The following NPAS3 variants were observed in gnomAD, a reference collection of about 807,000 sequenced individuals.
NPAS3 encodes neuronal PAS domain protein 3.
A neutral mutation model predicts 73.1 loss-of-function variants in NPAS3; 14 were observed. The ratio of observed to expected loss-of-function variants is 0.19; its 90% CI spans 0.13 to 0.30. NPAS3 has a LOEUF of 0.30. NPAS3 is among the 10% of genes least tolerant of loss of function. The probability of loss-of-function intolerance (pLI) is 1.00; values close to 1 mark genes in which losing one functional copy is unlikely to be tolerated. For missense variants in NPAS3, 1,096 were observed against 1,250.0 expected, an observed-to-expected ratio of 0.88 and a Z score of 1.86; for synonymous variants, 620 against 541.5, an observed-to-expected ratio of 1.14 and a Z score of -2.01.
chr14:32,963,161 A>T (rs2037004165), intron 1 of NPAS3, among the ~76,000 whole-genome samples: 1 of 152,160 alleles, frequency 6.6e-6, no homozygotes, highest in Non-Finnish European at 1.5e-5. Flanking sequence ...AGGCTAAATA[A>T]CTTGCTCCAA....
chr14:32,968,344 T>A (rs1316123), intron 1 of NPAS3, among the ~76,000 whole-genome samples: 47,000 of 152,030 alleles, frequency 0.31, 7,326 homozygotes, highest in Non-Finnish European at 0.32. Flanking sequence ...CTATACCTTA[T>A]AAATATCTAT....
chr14:33,177,440 A>C (rs907446310), intron 2 of NPAS3, among the ~76,000 whole-genome samples: 3 of 151,654 alleles, frequency 2.0e-5, no homozygotes, highest in Admixed American at 1.3e-4. Context: ...GTGATTTGCA[A>C]ATATTTTCTC....
intron 5 of NPAS3, among the ~76,000 whole-genome samples, chr14:33,669,458 T>TTAAC (rs1253856682): frequency 5.9e-5 from 9 of 152,336 alleles, no homozygotes; most frequent in Admixed American, 2.6e-4. Context: ...GGTTCTTCTT[T>TTAAC]TAACTGATGT....
intron 4 of NPAS3, among the ~76,000 whole-genome samples, chr14:33,376,260 A>G (rs2046308151): frequency 6.6e-6 from 1 of 152,168 alleles, no homozygotes; most frequent in Non-Finnish European, 1.5e-5. Flanking sequence ...TTTTGAGGAA[A>G]TATTATATAG....
At position 33,017,531 on chromosome 14, in the gene NPAS3, G is replaced by C. The variant is rs570819502; in HGVS notation, c.51-38374G>C. On this transcript the variant is annotated intron_variant, in intron 1 of 11. Transcript: ENST00000356141. ...CGAATAGAAGTCTGGTCTTTAAAGA[G>C]ATGCTGCTTTAATATGGTTCTGTTC... 7.2e-4 allele frequency among the ~76,000 whole-genome samples: 110 copies of C among 152,256 alleles called. 1 individual carries two copies. Among genetic ancestry groups the C allele is most frequent in the African/African-American group, 2.6e-3 (107 of 41,552 alleles).
At chr14:32,976,890 T>TTAC (rs2037700530) in intron 1 of NPAS3, among the ~76,000 whole-genome samples, 2 of 152,184 alleles carry the variant, frequency 1.3e-5, no homozygotes, top group Non-Finnish European at 2.9e-5. Flanking sequence ...GTGAATAGAC[T>TTAC]TACCTTCTAG....
chr14:33,036,685 A>G (rs2040181122), intron 1 of NPAS3, among the ~76,000 whole-genome samples: 1 of 152,326 alleles, frequency 6.6e-6, no homozygotes, highest in African/African-American at 2.4e-5. Flanking sequence ...GTCATATAGT[A>G]TGGAAGGAAA....
At chr14:33,662,863 G>A (rs1330170604) in intron 5 of NPAS3, among the ~76,000 whole-genome samples, 2 of 135,990 alleles carry the variant, frequency 1.5e-5, no homozygotes, top group Non-Finnish European at 3.1e-5. Flanking sequence ...AGACAATGGG[G>A]TTTTCCTTTT....
chr14:33,411,090 A>G lies in NPAS3; in HGVS notation c.468+43822A>G, dbSNP rs114921965. ...GTCAACTGTAGCATGCATCTTGGCT[A>G]AAATCAAGTTTCCATCTAGATTCTG... On this transcript the variant is annotated intron_variant, in intron 4 of 11. Coordinates refer to ENST00000356141, the Ensembl canonical transcript of NPAS3. 9.6e-3 allele frequency among the ~76,000 whole-genome samples: 1,470 copies of G among 152,358 alleles called. 29 individuals are homozygous for G. The highest frequency in any genetic ancestry group is 0.033 in the African/African-American group (1,387 of 41,594).
In NPAS3 at chr14:33,522,509, A is replaced by G. The variant is rs139693698; in HGVS notation, c.469-37612A>G. Among the ~76,000 whole-genome samples the G allele has an allele frequency of 4.7e-4, 72 of 152,196 alleles. 1 individual carries two copies. The highest frequency in any genetic ancestry group is 1.4e-3 in the African/African-American group (58 of 41,536). On this transcript the variant is annotated intron_variant, in intron 4 of 11. Coordinates refer to ENST00000356141, the Ensembl canonical transcript of NPAS3. ...TCTATATTATAGCAAGATAATAAAA[A>G]CGCCTCTACTCTTAACCATCACCAT...
At chr14:33,655,521 A>G (rs1312794750) in intron 5 of NPAS3, among the ~76,000 whole-genome samples, 1 of 152,174 alleles carries the variant, frequency 6.6e-6, no homozygotes, top group Non-Finnish European at 1.5e-5. Context: ...GAATATATGA[A>G]AAACAAAATA....
chr14:33,517,631 A>G (rs1049330136), intron 4 of NPAS3, among the ~76,000 whole-genome samples: 1 of 152,138 alleles, frequency 6.6e-6, no homozygotes. Flanking sequence ...AAAAGTTCTG[A>G]CAGCCTCTTG....
intron 5 of NPAS3, among the ~76,000 whole-genome samples, chr14:33,613,816 A>G (rs1328232596): frequency 1.3e-5 from 2 of 152,200 alleles, no homozygotes; most frequent in Non-Finnish European, 2.9e-5. Context: ...TTTGACCTCA[A>G]GGCTCACAAG....
chr14:33,483,381 A>G (rs2051425117), intron 4 of NPAS3, among the ~76,000 whole-genome samples: 1 of 152,124 alleles, frequency 6.6e-6, no homozygotes, highest in Admixed American at 6.5e-5. Flanking sequence ...AAAACCAAGG[A>G]TAGCGTTTCA....
chr14:32,977,070 A>G (rs1016876934), intron 1 of NPAS3, among the ~76,000 whole-genome samples: 64 of 151,680 alleles, frequency 4.2e-4, no homozygotes, highest in African/African-American at 1.4e-3. Context: ...ACACACACAT[A>G]CACACACACG....
intron 4 of NPAS3, among the ~76,000 whole-genome samples, chr14:33,559,292 T>C (rs2055518688): frequency 6.6e-6 from 1 of 152,242 alleles, no homozygotes; most frequent in Non-Finnish European, 1.5e-5. Flanking sequence ...CATTATCCCT[T>C]AATGTATTGA....
chr14:33,051,730 G>A (rs2040717660), intron 1 of NPAS3, among the ~76,000 whole-genome samples: 1 of 152,184 alleles, frequency 6.6e-6, no homozygotes, highest in Non-Finnish European at 1.5e-5. Context: ...TGGTTATTTA[G>A]AATACCAATT....
intron 2 of NPAS3, among the ~76,000 whole-genome samples, chr14:33,158,198 T>C (rs17100276): frequency 0.59 from 90,193 of 152,056 alleles, 26,895 homozygotes; most frequent in East Asian, 0.71. Flanking sequence ...TGGTTGATCT[T>C]TGTTAACTCC....
chr14:33,205,554 T>A (rs2046791047), intron 2 of NPAS3, among the ~76,000 whole-genome samples: 1 of 152,280 alleles, frequency 6.6e-6, no homozygotes, highest in South Asian at 2.1e-4. Flanking sequence ...GAAATAACAA[T>A]GTGTCTTAAA....
Sources: gnomAD v4.1 joint callset for allele counts (sites outside exome capture counted in the v4.1 genomes callset) on GRCh38, gnomAD v4.1.1 for gene constraint, MANE v1.5 for transcripts, NCBI Gene and HGNC (gene_info 2026-07-23, HGNC 2026-07-21) for gene names.